ZEB1: variants seen among roughly 807,000 people sequenced by gnomAD.
ZEB1 encodes zinc finger E-box-binding homeobox 1.
A neutral mutation model predicts 84.9 loss-of-function variants in ZEB1; 21 were observed. The observed-to-expected ratio is 0.25, with a 90% CI of 0.18 to 0.36. The LOEUF (loss-of-function observed/expected upper bound fraction) is 0.36, where lower values mean the gene tolerates loss of function less well. ZEB1 is among the 10% of genes least tolerant of loss of function. The pLI is 1.00. For missense variants in ZEB1, 1,104 were observed against 1,330.2 expected (o/e 0.83, Z 2.65); for synonymous variants, 420 against 471.1 (o/e 0.89, Z 1.41).
intron 1 of ZEB1, among the ~76,000 whole-genome samples, chr10:31,405,095 T>G (rs1275857937): frequency 6.6e-6 from 1 of 152,184 alleles, no homozygotes; most frequent in African/African-American, 2.4e-5. Flanking sequence ...AAGCAGAAAT[T>G]TCTTGTCTTT....
At chr10:31,359,469 A>G (rs914657061) in intron 1 of ZEB1, among the ~76,000 whole-genome samples, 1 of 151,998 alleles carries the variant, frequency 6.6e-6, no homozygotes, top group African/African-American at 2.4e-5. Flanking sequence ...ATTCTGAAAT[A>G]CTCTTTTAAC....
intron 3 of ZEB1, among the ~76,000 whole-genome samples, chr10:31,497,932 G>GATAGATAGAT (rs1473965643): frequency 7.3e-6 from 1 of 136,820 alleles, no homozygotes; most frequent in Non-Finnish European, 1.5e-5. Context: ...AAAATAGATA[G>GATAGATAGAT]ATAGATAGAT....
intron 2 of ZEB1, among the ~76,000 whole-genome samples, chr10:31,480,439 A>G (rs768220772): frequency 6.6e-5 from 10 of 152,034 alleles, no homozygotes; most frequent in African/African-American, 1.7e-4. Flanking sequence ...ATCATTTTCA[A>G]CCAGAGGTGG....
chr10:31,381,069 TA>T (rs2047541449), intron 1 of ZEB1, among the ~76,000 whole-genome samples: 1 of 152,192 alleles, frequency 6.6e-6, no homozygotes, highest in Admixed American at 6.5e-5. Context: ...AGCTGTAGAA[TA>T]AATGGTGATA....
intron 1 of ZEB1, among the ~76,000 whole-genome samples, chr10:31,391,070 A>T (rs2049584637): frequency 6.6e-6 from 1 of 152,154 alleles, no homozygotes; most frequent in South Asian, 2.1e-4. Context: ...TTATGTAGGC[A>T]GGTGGATGCC....
intron 2 of ZEB1, among the ~76,000 whole-genome samples, chr10:31,472,504 C>A (rs1021544333): frequency 9.9e-5 from 15 of 151,006 alleles, no homozygotes; most frequent in African/African-American, 3.7e-4. Flanking sequence ...CAAGACTAAA[C>A]CAGGAAGAAG....
chr10:31,368,520 G>A (rs2045030636), intron 1 of ZEB1, among the ~76,000 whole-genome samples: 2 of 151,102 alleles, frequency 1.3e-5, no homozygotes, highest in South Asian at 2.1e-4. Context: ...TACAAATGCT[G>A]TGTAAATAGC....
At chr10:31,394,497 CAAT>C (rs1473659825) in intron 1 of ZEB1, among the ~76,000 whole-genome samples, 1 of 152,136 alleles carries the variant, frequency 6.6e-6, no homozygotes, top group Non-Finnish European at 1.5e-5. Context: ...AGAAAAACAA[CAAT>C]ATCAGCATCC....
intron 1 of ZEB1, among the ~76,000 whole-genome samples, chr10:31,365,991 TTGA>T: frequency 6.6e-6 from 1 of 152,246 alleles, no homozygotes; most frequent in Non-Finnish European, 1.5e-5. Flanking sequence ...TTAGGGCCTT[TTGA>T]TGCATTGGAA....
intron 1 of ZEB1, among the ~76,000 whole-genome samples, chr10:31,320,878 CG>C (rs1564448059): frequency 6.6e-6 from 1 of 152,120 alleles, no homozygotes; most frequent in African/African-American, 2.4e-5. Flanking sequence ...TGCGCCGCCC[CG>C]GTACCTGTTT....
chr10:31,321,094 T>C (rs558316485), intron 1 of ZEB1: 185 of 992,748 alleles, frequency 1.9e-4, no homozygotes, highest in Non-Finnish European at 2.2e-4. Context: ...GAGAAAACTC[T>C]CTCGTGCTCC....
chr10:31,385,174 A>C (rs2048391008), intron 1 of ZEB1, among the ~76,000 whole-genome samples: 1 of 152,206 alleles, frequency 6.6e-6, no homozygotes, highest in Non-Finnish European at 1.5e-5. Flanking sequence ...ATCAAAGCAT[A>C]ATCTGTCCAT....
At chr10:31,325,950 A>G (rs1176668028) in intron 1 of ZEB1, among the ~76,000 whole-genome samples, 2 of 146,116 alleles carry the variant, frequency 1.4e-5, no homozygotes, top group Non-Finnish European at 3.0e-5. Context: ...CAATTCTAGC[A>G]GAGTGTTTGG....
chr10:31,522,369 T>C (rs185664171), intron 7 of ZEB1, among the ~76,000 whole-genome samples: 105 of 152,340 alleles, frequency 6.9e-4, no homozygotes, highest in African/African-American at 2.4e-3. Flanking sequence ...CTATCACTTT[T>C]ATATACTAAT....
intron 7 of ZEB1, 144 bp downstream of exon 7, chr10:31,522,080 A>C: frequency 7.6e-7 from 1 of 1,310,562 alleles, no homozygotes; most frequent in South Asian, 1.4e-5. Flanking sequence ...TGTTTGCTTT[A>C]ACTTTTCTGG....
At chr10:31,467,408 T>C (rs1212308408) in intron 2 of ZEB1, among the ~76,000 whole-genome samples, 3 of 152,018 alleles carry the variant, frequency 2.0e-5, no homozygotes, top group African/African-American at 4.8e-5. Flanking sequence ...CCCATGCATG[T>C]TCACATGACC....
intron 1 of ZEB1, among the ~76,000 whole-genome samples, chr10:31,326,188 C>G (rs1485975380): frequency 6.6e-6 from 1 of 152,016 alleles, no homozygotes; most frequent in Non-Finnish European, 1.5e-5. Flanking sequence ...TAATGCCAGG[C>G]AGATACAGTG....
chr10:31,386,232 T>C (rs1253965264), intron 1 of ZEB1, among the ~76,000 whole-genome samples: 1 of 151,904 alleles, frequency 6.6e-6, no homozygotes, highest in Non-Finnish European at 1.5e-5. Flanking sequence ...CATGATTTCC[T>C]GATCTTAAAG....
chr10:31,449,274 C>G (rs1009648471), intron 1 of ZEB1, among the ~76,000 whole-genome samples: 3 of 152,202 alleles, frequency 2.0e-5, no homozygotes, highest in Non-Finnish European at 2.9e-5. Flanking sequence ...CTTCGGCTTG[C>G]GCACAGTGCG....
Sources: gnomAD v4.1 joint callset for allele counts (sites outside exome capture counted in the v4.1 genomes callset) on GRCh38, gnomAD v4.1.1 for gene constraint, MANE v1.5 for transcripts, NCBI Gene and HGNC (gene_info 2026-07-23, HGNC 2026-07-21) for gene names.